The following PTPRD variants were observed in gnomAD, a reference collection of about 807,000 sequenced individuals.
The protein encoded by PTPRD is receptor-type tyrosine-protein phosphatase delta.
A neutral mutation model predicts 214.5 loss-of-function variants in PTPRD; 34 were observed. The ratio of observed to expected loss-of-function variants is 0.16; its 90% CI spans 0.12 to 0.21. The LOEUF is 0.21. Among genes scored for constraint, PTPRD ranks in the 10% least tolerant of loss-of-function variants. PTPRD has a pLI of 1.00. For missense variants in PTPRD, 2,545 were observed against 2,398.7 expected, an observed-to-expected ratio of 1.06 and a Z score of -1.27; for synonymous variants, 1,128 against 845.7, an observed-to-expected ratio of 1.33 and a Z score of -5.79.
chr9:9,692,638 GTT>G lies in PTPRD; in HGVS notation c.-287+41893_-287+41894del, dbSNP rs869152689. Among the ~76,000 whole-genome samples the G allele has an allele frequency of 6.7e-5, 6 of 89,160 alleles. 1 individual carries two copies. Among genetic ancestry groups the G allele is most frequent in the African/African-American group, 2.5e-4 (6 of 24,392 alleles). The allele number at this position is 89,160 out of a possible 152,430, so 58.5% of individuals were successfully genotyped here. ...TTTTGTGATTCTATATAAATTTTAA[GTT>G]TTTTTTTTTTCTATTTCTGTGAAGA... On this transcript the variant is annotated intron_variant, in intron 7 of 45. Coordinates refer to ENST00000381196, the MANE Select transcript of PTPRD (RefSeq NM_002839.4).
chr9:10,312,442 C>A (rs935349701), intron 3 of PTPRD, among the ~76,000 whole-genome samples: 2 of 151,764 alleles, frequency 1.3e-5, no homozygotes, highest in African/African-American at 4.8e-5. Flanking sequence ...ATATAGACGC[C>A]TTTTAGTTTT....
chr9:10,124,549 G>A (rs1265072700), intron 3 of PTPRD, among the ~76,000 whole-genome samples: 2 of 152,090 alleles, frequency 1.3e-5, no homozygotes, highest in African/African-American at 4.8e-5. Context: ...ATAGTTCTTA[G>A]GTCTTAGCCC....
intron 37 of PTPRD, among the ~76,000 whole-genome samples, chr9:8,377,944 C>T (rs1226748853): frequency 6.6e-6 from 1 of 152,008 alleles, no homozygotes; most frequent in Non-Finnish European, 1.5e-5. Flanking sequence ...AAACTATTGG[C>T]CCTTCTAAGA....
chr9:9,559,420 C>T (rs956471214), intron 8 of PTPRD, among the ~76,000 whole-genome samples: 3 of 152,210 alleles, frequency 2.0e-5, no homozygotes, highest in African/African-American at 7.2e-5. Context: ...TCCAACTGCT[C>T]CAGCATTGTT....
chr9:9,460,651 T>C (rs934339470), intron 8 of PTPRD, among the ~76,000 whole-genome samples: 2 of 151,936 alleles, frequency 1.3e-5, no homozygotes, highest in Non-Finnish European at 2.9e-5. Context: ...ATAGAATAAC[T>C]ATTATTAAAA....
At chr9:10,268,293 A>AAATAATAATAATAATAATAAT (rs56131711) in intron 3 of PTPRD, among the ~76,000 whole-genome samples, 13 of 144,850 alleles carry the variant, frequency 9.0e-5, no homozygotes, top group African/African-American at 2.8e-4. Context: ...CTGTTGCTAT[A>AAATAATAATAATAATAATAAT]AATAATAATA....
At chr9:9,006,957 C>T (rs2099473783) in intron 11 of PTPRD, among the ~76,000 whole-genome samples, 1 of 151,920 alleles carries the variant, frequency 6.6e-6, no homozygotes, top group Admixed American at 6.6e-5. Context: ...TCTGTCCCAA[C>T]CTATAGCAAG....
At chr9:9,626,872 A>C (rs1372523806) in intron 7 of PTPRD, among the ~76,000 whole-genome samples, 1 of 152,230 alleles carries the variant, frequency 6.6e-6, no homozygotes, top group East Asian at 1.9e-4. Context: ...TATGAATGTT[A>C]AGTGAAAGGA....
chr9:9,549,284 A>G (rs75557304), intron 8 of PTPRD, among the ~76,000 whole-genome samples: 1,641 of 152,226 alleles, frequency 0.011, 20 homozygotes, highest in African/African-American at 0.037. Flanking sequence ...ACAGACACAC[A>G]CGACAAAGGA....
intron 2 of PTPRD, among the ~76,000 whole-genome samples, chr9:10,410,270 T>TATATATATATATATAC (rs532202941): frequency 2.9e-5 from 4 of 139,852 alleles, no homozygotes; most frequent in Non-Finnish European, 4.6e-5. Context: ...TATATATATA[T>TATATATATATATATAC]ACACACACAC....
chr9:8,847,369 C>G (rs190718002), intron 11 of PTPRD, among the ~76,000 whole-genome samples: 3 of 152,068 alleles, frequency 2.0e-5, no homozygotes, highest in South Asian at 2.1e-4. Context: ...AAAAAAAACC[C>G]TTGCTACATA....
chr9:9,368,937 G>T (rs2058648602), intron 9 of PTPRD, among the ~76,000 whole-genome samples: 2 of 151,880 alleles, frequency 1.3e-5, no homozygotes, highest in Admixed American at 6.6e-5. Context: ...ACAGTCCCCA[G>T]TGTAGGATGT....
At chr9:8,653,258 T>C (rs1017684335) in intron 12 of PTPRD, among the ~76,000 whole-genome samples, 1 of 152,136 alleles carries the variant, frequency 6.6e-6, no homozygotes, top group African/African-American at 2.4e-5. Context: ...GCTACATAAA[T>C]GGCCTCTGGG....
chr9:9,314,124 G>A (rs1177084058), intron 9 of PTPRD, among the ~76,000 whole-genome samples: 1 of 152,106 alleles, frequency 6.6e-6, no homozygotes, highest in Non-Finnish European at 1.5e-5. Context: ...TGAAGGTGGT[G>A]GAGATATTGG....
intron 3 of PTPRD, among the ~76,000 whole-genome samples, chr9:10,161,239 G>C (rs1010297118): frequency 2.0e-5 from 3 of 151,700 alleles, no homozygotes; most frequent in Non-Finnish European, 4.4e-5. Flanking sequence ...ATCACAAAAA[G>C]ATCCTGAATA....
At chr9:8,849,409 G>C (rs2097769855) in intron 11 of PTPRD, among the ~76,000 whole-genome samples, 1 of 151,962 alleles carries the variant, frequency 6.6e-6, no homozygotes, top group African/African-American at 2.4e-5. Flanking sequence ...TGTATTTTTA[G>C]TGGAGACGGG....
chr9:9,428,959 C>G (rs1321450890), intron 8 of PTPRD, among the ~76,000 whole-genome samples: 2 of 152,226 alleles, frequency 1.3e-5, no homozygotes, highest in Middle Eastern at 3.4e-3. Context: ...CAGGAAAGAT[C>G]TAAAATTGAC....
chr9:8,641,854 T>A (rs1456400717), intron 12 of PTPRD, among the ~76,000 whole-genome samples: 1 of 152,218 alleles, frequency 6.6e-6, no homozygotes, highest in East Asian at 1.9e-4. Context: ...AATATTTGGA[T>A]GCCATATCAT....
At chr9:9,794,746 G>A (rs913058682) in intron 5 of PTPRD, among the ~76,000 whole-genome samples, 2 of 152,132 alleles carry the variant, frequency 1.3e-5, no homozygotes, top group Non-Finnish European at 2.9e-5. Flanking sequence ...TATTCTGTCT[G>A]GAATCAAACC....
Sources: gnomAD v4.1 joint callset for allele counts (sites outside exome capture counted in the v4.1 genomes callset) on GRCh38, gnomAD v4.1.1 for gene constraint, MANE v1.5 for transcripts, NCBI Gene and HGNC (gene_info 2026-07-23, HGNC 2026-07-21) for gene names.